The following ABCC4 variants were observed in gnomAD, a reference collection of about 807,000 sequenced individuals.
ABCC4 encodes ATP-binding cassette sub-family C member 4.
ABCC4 carries 102 observed loss-of-function variants against 168.5 expected under a neutral mutation model. The observed-to-expected ratio is 0.61, with a 90% confidence interval of 0.52 to 0.71. ABCC4 has a LOEUF of 0.71. ABCC4 is among the 30% of genes least tolerant of loss of function. The pLI, the probability that ABCC4 is intolerant of heterozygous loss-of-function variation, is 0.00. For synonymous variants in ABCC4, 617 were observed against 590.7 expected (o/e 1.04, Z -0.65); for missense variants, 1,402 against 1,605.8 (o/e 0.87, Z 2.17).
chr13:95,196,647 AG>A (rs1441567422), intron 8 of ABCC4, among the ~76,000 whole-genome samples: 7 of 26,912 alleles, frequency 2.6e-4, no homozygotes, highest in African/African-American at 3.6e-4. Context: ...GAAGGAAGGA[AG>A]GAAGGAAGGA....
intron 25 of ABCC4, among the ~76,000 whole-genome samples, chr13:95,067,632 T>C (rs901571560): frequency 6.6e-6 from 1 of 151,994 alleles, no homozygotes; most frequent in Non-Finnish European, 1.5e-5. Context: ...TCCCAGCCCC[T>C]GAGATGAGCA....
chr13:95,217,669 G>A (rs1049190308), intron 4 of ABCC4, among the ~76,000 whole-genome samples: 18 of 129,320 alleles, frequency 1.4e-4, no homozygotes, highest in Admixed American at 5.8e-4. Flanking sequence ...GAGAGGCAGG[G>A]GTTGCAGTGA....
At chr13:95,071,986 TTGA>T in intron 24 of ABCC4, 133 bp from the exon 25 acceptor site, 1 of 628,512 alleles carries the variant, frequency 1.6e-6, no homozygotes, top group Non-Finnish European at 2.4e-6. Flanking sequence ...GACGAGGATG[TTGA>T]TGACTTACAA....
chr13:95,275,078 AAAAAT>A (rs869271167), intron 1 of ABCC4, among the ~76,000 whole-genome samples: 10 of 152,346 alleles, frequency 6.6e-5, no homozygotes, highest in African/African-American at 2.4e-4. Context: ...CTCCGTCTCA[AAAAAT>A]AAAATAAAAC....
At chr13:95,226,385 CATCTGACTACTA>C (rs1017301406) in intron 4 of ABCC4, among the ~76,000 whole-genome samples, 2 of 152,022 alleles carry the variant, frequency 1.3e-5, no homozygotes, top group African/African-American at 4.8e-5. Context: ...AGATTCTATC[CATCTGACTACTA>C]AAGTAAAACA....
chr13:95,044,676 C>G (rs2032503160), intron 27 of ABCC4, among the ~76,000 whole-genome samples: 1 of 152,196 alleles, frequency 6.6e-6, no homozygotes, highest in Non-Finnish European at 1.5e-5. Flanking sequence ...GCTCCTTTAT[C>G]ACCATCAGCA....
chr13:95,153,548 CAGTT>C (rs1471951781), intron 19 of ABCC4, among the ~76,000 whole-genome samples: 2 of 152,178 alleles, frequency 1.3e-5, no homozygotes, highest in East Asian at 3.8e-4. Flanking sequence ...CAATTTAACA[CAGTT>C]AAGTAAAATG....
chr13:95,126,817 A>T (rs1468539314), intron 19 of ABCC4, among the ~76,000 whole-genome samples: 4 of 39,308 alleles, frequency 1.0e-4, no homozygotes, highest in African/African-American at 2.4e-4. Flanking sequence ...TAAGTACACC[A>T]TATATATTTA....
chr13:95,283,243 G>C (rs898683690), intron 1 of ABCC4, among the ~76,000 whole-genome samples: 1 of 151,428 alleles, frequency 6.6e-6, no homozygotes, highest in African/African-American at 2.4e-5. Flanking sequence ...TTTAAAAACT[G>C]GTCCTGTGGC....
At chr13:95,046,636 C>T (rs1196599365) in intron 27 of ABCC4, among the ~76,000 whole-genome samples, 4 of 151,916 alleles carry the variant, frequency 2.6e-5, no homozygotes, top group Admixed American at 2.0e-4. Context: ...GGCATGGTGG[C>T]GGGCACTTGT....
intron 20 of ABCC4, among the ~76,000 whole-genome samples, chr13:95,105,765 T>C (rs34622603): frequency 3.3e-5 from 5 of 152,082 alleles, no homozygotes; most frequent in Non-Finnish European, 7.4e-5. Flanking sequence ...ACAGCATAGC[T>C]TGGAATGGAG....
At chr13:95,043,649 G>A (rs1192767378) in intron 29 of ABCC4, 33 bp downstream of exon 29, 2 of 1,524,862 alleles carry the variant, frequency 1.3e-6, no homozygotes, top group Non-Finnish European at 1.8e-6. Context: ...ACATAATTGG[G>A]AGCAACAGGA....
intron 19 of ABCC4, among the ~76,000 whole-genome samples, chr13:95,146,223 A>G (rs1416059689): frequency 6.6e-6 from 1 of 151,852 alleles, no homozygotes; most frequent in Non-Finnish European, 1.5e-5. Context: ...AAAAAAAAAA[A>G]AAGAAGGGAA....
At chr13:95,252,639 C>T (rs988125381) in intron 1 of ABCC4, among the ~76,000 whole-genome samples, 3 of 152,250 alleles carry the variant, frequency 2.0e-5, no homozygotes, top group Admixed American at 2.0e-4. Flanking sequence ...CGCACCTTTG[C>T]ACTCCAGCCT....
intron 20 of ABCC4, among the ~76,000 whole-genome samples, chr13:95,095,066 C>T (rs570521620): frequency 5.3e-5 from 8 of 152,260 alleles, no homozygotes; most frequent in East Asian, 3.9e-4. Flanking sequence ...CTAGTACAGT[C>T]GCTATGGAAA....
chr13:95,288,143 T>C (rs562073138), intron 1 of ABCC4, among the ~76,000 whole-genome samples: 4 of 152,122 alleles, frequency 2.6e-5, no homozygotes, highest in Non-Finnish European at 4.4e-5. Flanking sequence ...AATCATAGAA[T>C]AGGATACTGA....
At chr13:95,203,395 G>A (rs2038687015) in intron 8 of ABCC4, among the ~76,000 whole-genome samples, 1 of 148,892 alleles carries the variant, frequency 6.7e-6, no homozygotes, top group Admixed American at 6.8e-5. Context: ...ACAGTGCAGT[G>A]GCGTAATCTC....
chr13:95,229,328 C>CAGAT (rs1566549306), intron 4 of ABCC4, among the ~76,000 whole-genome samples: 1 of 152,152 alleles, frequency 6.6e-6, no homozygotes, highest in Non-Finnish European at 1.5e-5. Flanking sequence ...GAAGGACAGA[C>CAGAT]AGATACTTTA....
At chr13:95,158,429 G>C (rs1467225170) in intron 19 of ABCC4, among the ~76,000 whole-genome samples, 1 of 152,128 alleles carries the variant, frequency 6.6e-6, no homozygotes, top group Non-Finnish European at 1.5e-5. Flanking sequence ...CCAGACCCCC[G>C]GTGTGAATCA....
Sources: allele counts gnomAD v4.1 joint callset (sites outside exome capture counted in the v4.1 genomes callset), GRCh38; gene constraint gnomAD v4.1.1; transcripts MANE v1.5; gene names NCBI Gene and HGNC (gene_info 2026-07-23, HGNC 2026-07-21).